KDM3B: variants seen among roughly 807,000 people sequenced by gnomAD.
KDM3B encodes lysine-specific demethylase 3B.
Under a neutral mutation model 170.0 loss-of-function variants are expected in KDM3B, and 10 were observed. The observed-to-expected ratio is 0.06, with a 90% CI of 0.04 to 0.10. The LOEUF (loss-of-function observed/expected upper bound fraction) is 0.10. KDM3B is among the 10% of genes least tolerant of loss of function. The probability of loss-of-function intolerance (pLI) is 1.00; values close to 1 mark genes in which losing one functional copy is unlikely to be tolerated. For missense variants in KDM3B, 1,394 were observed against 2,195.2 expected (o/e 0.64, Z 7.29); for synonymous variants, 831 against 834.8 (o/e 1.00, Z 0.08).
At chr5:138,368,018 G>GAA (rs11386450) in intron 1 of KDM3B, among the ~76,000 whole-genome samples, 60 of 141,940 alleles carry the variant, frequency 4.2e-4, no homozygotes, top group Middle Eastern at 3.7e-3. Context: ...ATCTCAAAAA[G>GAA]AAAAAAAAAA....
At chr5:138,361,760 A>C (rs892194722) in intron 1 of KDM3B, among the ~76,000 whole-genome samples, 1 of 152,218 alleles carries the variant, frequency 6.6e-6, no homozygotes, top group African/African-American at 2.4e-5. Flanking sequence ...CCTAGGAGCT[A>C]CAAACCCTAT....
intron 1 of KDM3B, among the ~76,000 whole-genome samples, chr5:138,365,315 C>T (rs1436733312): frequency 6.6e-6 from 1 of 152,000 alleles, no homozygotes; most frequent in Non-Finnish European, 1.5e-5. Flanking sequence ...GCCTGGAGTA[C>T]GATGGGGTGA....
Position 138,372,847 on chromosome 5 carries a change from T to C in KDM3B, c.360+6T>C. 2 of 1,609,894 alleles carry C rather than the reference T, an allele frequency of 1.2e-6. No homozygotes were observed. Among genetic ancestry groups the C allele is most frequent in the East Asian group, 2.2e-5 (1 of 44,798 alleles). ...TTGCACAATGGCCAGCCCTGGTGAGTGGCTTTTACTGGGTGGGAACATGTC... is the reference window on the plus strand; with the variant it reads ...TTGCACAATGGCCAGCCCTGGTGAGCGGCTTTTACTGGGTGGGAACATGTC... On this transcript the variant is annotated splice_donor_region_variant and intron_variant, in intron 2 of 23. Transcript: ENST00000314358.
At position 138,419,178 on chromosome 5, in the gene KDM3B, G is replaced by A; in HGVS notation, c.3661G>A (p.Ala1221Thr). 3.1e-6 allele frequency: 5 copies of A among 1,614,136 alleles called. No homozygotes were observed. Among genetic ancestry groups the A allele is most frequent in the South Asian group, 1.1e-5 (1 of 91,072 alleles). Residue 1221 changes from alanine (A) to threonine (T), a missense_variant, in exon 14 of 24, where the codon GCC (alanine) becomes ACC (threonine). Coordinates refer to ENST00000314358, the MANE Select transcript of KDM3B (RefSeq NM_016604.4). ...PCPDTAPPSS[A>T]LHWLADLATQ... ...CCCTGACACGGCCCCACCCTCCTCC[G>A]CCCTGCACTGGTTGGCAGATTTAGC...
chr5:138,384,365 C>A (rs976726451), intron 6 of KDM3B, among the ~76,000 whole-genome samples: 3 of 151,400 alleles, frequency 2.0e-5, no homozygotes, highest in African/African-American at 7.3e-5. Flanking sequence ...TTTGGGAGGC[C>A]GAGGTGGGCA....
chr5:138,427,930 T>G, intron 19 of KDM3B, 37 bp from the exon 20 acceptor site: 1 of 1,599,938 alleles, frequency 6.3e-7, no homozygotes, highest in Non-Finnish European at 8.5e-7. Context: ...TTCCAAATAT[T>G]GGCCCTTCAC....
rs759131637 is a variant in KDM3B at position 138,377,696 on chromosome 5, GTTTTCTTC to G, written c.475-19_475-12del. The G allele has an allele frequency of 2.1e-5, 32 of 1,527,230 alleles. No homozygotes were observed. The African/African-American group carries it at 3.4e-4, about 16-fold the overall frequency. The allele number at this position is 1,527,230 out of a possible 1,614,324, so 94.6% of individuals were successfully genotyped here. On this transcript the variant is annotated splice_polypyrimidine_tract_variant and intron_variant, in intron 3 of 23. Coordinates refer to ENST00000314358, the MANE Select transcript of KDM3B (RefSeq NM_016604.4). ...TTGCTATTCATTTTAACATTCAGTT[GTTTTCTTC>G]TTTTATCTTTACCAGATGGGAACAG... is the stretch of plus-strand genomic sequence containing the variant.
At position 138,391,278 on chromosome 5, in the gene KDM3B, A is replaced by G; in HGVS notation, c.1646A>G (p.Asp549Gly). 1.2e-6 allele frequency: 2 copies of G among 1,614,190 alleles called. No homozygotes were observed. The highest frequency in any genetic ancestry group is 1.7e-6 in the Non-Finnish European group (2 of 1,180,044). Residue 549 changes from aspartate (D) to glycine (G), a missense_variant, in exon 8 of 24, where the codon GAT becomes GGT. This residue lies in a region of KDM3B where 294 missense variants were observed against 311.7 expected (regional missense o/e 0.94). Coordinates refer to ENST00000314358, the MANE Select transcript of KDM3B (RefSeq NM_016604.4). The surrounding 1 kb of genome is among the most constrained non-coding windows in gnomAD (Gnocchi z 5.0). ...YFTTVSESLADDSSSRDSFKQ... is the reference protein window; with the variant it reads ...YFTTVSESLAGDSSSRDSFKQ... ...ACTACTGTTTCAGAGAGTTTGGCTG[A>G]TGATTCTTCTAGTCGGGACTCATTC...
chr5:138,407,539 G>A (rs996831346), intron 11 of KDM3B, among the ~76,000 whole-genome samples: 4 of 151,952 alleles, frequency 2.6e-5, no homozygotes, highest in African/African-American at 4.8e-5. Flanking sequence ...TTCCTGGCAC[G>A]AGATGATGAA....
intron 23 of KDM3B, among the ~76,000 whole-genome samples, chr5:138,433,868 A>G (rs1763602823): frequency 6.6e-6 from 1 of 151,616 alleles, no homozygotes; most frequent in Non-Finnish European, 1.5e-5. Context: ...CCTCCCGAGT[A>G]TCTGGGGATT....
In KDM3B at chr5:138,436,734, T is replaced by C. The variant is rs1346117884; in HGVS notation, c.*1034T>C. On this transcript the variant is annotated 3_prime_UTR_variant, in exon 24 of 24. Transcript: ENST00000314358. The stretch of plus-strand genomic sequence containing the variant: ...AGTTGATTTCCAACATGAGGTTTTT[T>C]GTTTTTTATCCAGAAATATTTTCAG... 1 of 152,216 alleles carries C rather than the reference T, an allele frequency of 6.6e-6. No individual in the cohort carries two copies. Among genetic ancestry groups the C allele is most frequent in the East Asian group, 1.9e-4 (1 of 5,204 alleles). The allele number at this position is 152,216 out of a possible 1,614,324, so 9.4% of individuals were successfully genotyped here.
At chr5:138,379,543 C>A in intron 4 of KDM3B, 41 bp from the exon 5 acceptor site, 1 of 1,560,744 alleles carries the variant, frequency 6.4e-7, no homozygotes, top group Admixed American at 2.0e-5. Context: ...TGAAATATAG[C>A]TTAGCCAAAA....
chr5:138,425,590 G>A lies in KDM3B; in HGVS notation c.4411+8G>A. 6.2e-7 allele frequency: 1 copy of A among 1,612,794 alleles called. No homozygotes were observed. The highest frequency in any genetic ancestry group is 8.5e-7 in the Non-Finnish European group (1 of 1,179,072). On this transcript the variant is annotated splice_region_variant and intron_variant, in intron 17 of 23. Transcript: ENST00000314358. ...GTTTCGAGATCATATGCAGTAAGTA[G>A]CTTTCATATCTAGTTCAGTGATAGC... is the stretch of plus-strand genomic sequence containing the variant.
intron 1 of KDM3B, among the ~76,000 whole-genome samples, chr5:138,354,193 C>T (rs1182680917): frequency 9.2e-5 from 14 of 152,048 alleles, no homozygotes; most frequent in Non-Finnish European, 1.5e-5. Flanking sequence ...ATGGCTTAGG[C>T]TTTGCTTCTG....
intron 9 of KDM3B, among the ~76,000 whole-genome samples, chr5:138,395,802 G>C (rs1170911223): frequency 6.6e-6 from 1 of 151,968 alleles, no homozygotes; most frequent in Non-Finnish European, 1.5e-5. Flanking sequence ...ATTTTTGGTA[G>C]AGACAGGGTT....
At chr5:138,374,770 C>T (rs1443309007) in intron 2 of KDM3B, among the ~76,000 whole-genome samples, 1 of 152,140 alleles carries the variant, frequency 6.6e-6, no homozygotes, top group Non-Finnish European at 1.5e-5. Context: ...ACTCTTTATT[C>T]TGGGAATTTA....
chr5:138,402,241 G>A (rs1001790751), intron 11 of KDM3B, among the ~76,000 whole-genome samples: 1 of 152,036 alleles, frequency 6.6e-6, no homozygotes, highest in African/African-American at 2.4e-5. Context: ...TATTTTCTTA[G>A]GAAAAATGTC....
At chr5:138,365,954 C>T (rs538410271) in intron 1 of KDM3B, among the ~76,000 whole-genome samples, 5 of 152,056 alleles carry the variant, frequency 3.3e-5, no homozygotes, top group East Asian at 1.9e-4. Context: ...GCCTAGATCG[C>T]GTCATTGTAC....
intron 11 of KDM3B, among the ~76,000 whole-genome samples, 156 bp from the exon 12 acceptor site, chr5:138,414,976 A>C (rs542610989): frequency 5.3e-5 from 8 of 152,224 alleles, no homozygotes; most frequent in Admixed American, 1.3e-4. Flanking sequence ...TAAATAAATA[A>C]AATCTCAGTA....
Sources: allele counts gnomAD v4.1 joint callset (sites outside exome capture counted in the v4.1 genomes callset), GRCh38; gene constraint gnomAD v4.1.1; regional missense constraint gnomAD v4.1.1; non-coding constraint Gnocchi (gnomAD v3.1); transcripts MANE v1.5; gene names NCBI Gene and HGNC (gene_info 2026-07-23, HGNC 2026-07-21).